DDTL: variants seen among roughly 807,000 people sequenced by gnomAD.
The protein encoded by DDTL is putative D-dopachrome decarboxylase-like protein.
A neutral mutation model predicts 1.1 loss-of-function variants in DDTL; 1 was observed. The ratio of observed to expected loss-of-function variants is 0.91; its 90% confidence interval spans 0.32 to 4.31. DDTL has a LOEUF of 4.31. DDTL is among the 30% of genes most tolerant of loss of function. The pLI is 0.17. For missense variants in DDTL, 54 were observed against 48.9 expected, an observed-to-expected ratio of 1.10 and a Z score of -0.31; for synonymous variants, 21 against 16.6, an observed-to-expected ratio of 1.26 and a Z score of -0.64.
At chr22:23,969,204 C>T (rs2033856023) in intron 2 of DDTL, 2 of 985,382 alleles carry the variant, frequency 2.0e-6, no homozygotes, top group African/African-American at 1.7e-5. Context: ...GCTCTTCATA[C>T]TCCCCCGCCC....
At chr22:23,969,319 C>T in intron 2 of DDTL, 2 of 984,898 alleles carry the variant, frequency 2.0e-6, no homozygotes, top group African/African-American at 1.7e-5. Flanking sequence ...GGGGGGGCCA[C>T]CCTGTGCCCA....
chr22:23,969,848 TCCAATA>T (rs1311159464), intron 2 of DDTL: 1 of 985,734 alleles, frequency 1.0e-6, no homozygotes, highest in Non-Finnish European at 1.2e-6. Flanking sequence ...CAACAGACAC[TCCAATA>T]AAGTACACGA....
chr22:23,971,213 G>A, intron 2 of DDTL, 73 bp from the exon 3 acceptor site: 1 of 1,539,610 alleles, frequency 6.5e-7, no homozygotes, highest in Non-Finnish European at 8.7e-7. Flanking sequence ...CCTGCAGATG[G>A]GTGTGGAGAG....
In DDTL at chr22:23,971,235, G is replaced by A. The variant is rs760447459; in HGVS notation, c.285-51G>A. 3 of 1,560,348 alleles carry A rather than the reference G, an allele frequency of 1.9e-6. No individual in the cohort carries two copies. In the Admixed American group the frequency reaches 5.9e-5, roughly 31 times the overall value. ...ATGGGTGTGGAGAGCAGAGCCTCCA[G>A]GCTGAGTCTCCCAGCCCCAGATCTG... On this transcript the variant is annotated intron_variant, in intron 2 of 2. Transcript: ENST00000215770.
In DDTL at chr22:23,971,837, C is replaced by G; in HGVS notation, c.*431C>G. ...TGGGAGGTAGCCGCACATCATGACC[C>G]AGCTAGGACAGACACACAATACAGT... On this transcript the variant is annotated 3_prime_UTR_variant, in exon 3 of 3. Coordinates refer to ENST00000215770, the MANE Select transcript of DDTL (RefSeq NM_001084393.2). 1.0e-5 allele frequency: 6 copies of G among 577,762 alleles called. No individual in the cohort carries two copies. The South Asian group carries it at 1.3e-4, about 12-fold the overall frequency. The allele number at this position is 577,762 out of a possible 1,614,324, so 35.8% of individuals were successfully genotyped here. A position where few individuals can be genotyped will look rare whatever the true frequency, so the allele number is the denominator to read the frequency against.
chr22:23,970,052 G>T (rs1366154895), intron 2 of DDTL, among the ~76,000 whole-genome samples: 1 of 152,196 alleles, frequency 6.6e-6, no homozygotes, highest in Non-Finnish European at 1.5e-5. Flanking sequence ...TGCACTTAGT[G>T]CTCTTGGCAG....
rs935170738 is a variant in DDTL, at chr22:23,972,269, G to C, written c.*863G>C. ...GGATCATGAGTGTAAAGTACCTGTA[G>C]AGGACCTAGCACATGGTAAGTGTAT... On this transcript the variant is annotated 3_prime_UTR_variant, in exon 3 of 3. Coordinates refer to ENST00000215770, the MANE Select transcript of DDTL (RefSeq NM_001084393.2). 5.0e-5 allele frequency: 47 copies of C among 949,212 alleles called. No individual in the cohort carries two copies. In the African/African-American group the frequency reaches 8.0e-4, roughly 16 times the overall value. The allele number at this position is 949,212 out of a possible 1,614,324, so 58.8% of individuals were successfully genotyped here.
At chr22:23,971,186 T>G (rs557903302) in intron 2 of DDTL, 100 bp from the exon 3 acceptor site, 2 of 1,506,472 alleles carry the variant, frequency 1.3e-6, no homozygotes, top group South Asian at 2.7e-5. Context: ...GACCAGCTGC[T>G]CACACCTTCC....
At chr22:23,970,823 G>A (rs948455790) in intron 2 of DDTL, among the ~76,000 whole-genome samples, 1 of 152,120 alleles carries the variant, frequency 6.6e-6, no homozygotes, top group Non-Finnish European at 1.5e-5. Flanking sequence ...CCAGCCTGGG[G>A]ACCCCTGGGC....
In DDTL at chr22:23,971,448, C is replaced by T. The variant is rs369650859; in HGVS notation, c.*42C>T. The T allele has an allele frequency of 1.8e-4, 286 of 1,607,124 alleles. 2 individuals are homozygous for T. The South Asian group carries it at 2.1e-3, about 12-fold the overall frequency. ...TATGTGATCACAGGAATGTTGCATG[C>T]GGGATAATCCAAAGCTGGTTATCTC... On this transcript the variant is annotated 3_prime_UTR_variant, in exon 3 of 3. Transcript: ENST00000215770.
In DDTL at chr22:23,972,112, TG is replaced by T. The variant is rs1324052667; in HGVS notation, c.*710del. ...AAACCAGAACTTGGGACAGCCTGGT[TG>T]GGGCGGGCGGGAGTATGAACAGCCT... is the stretch of plus-strand genomic sequence containing the variant. On this transcript the variant is annotated 3_prime_UTR_variant, in exon 3 of 3. Coordinates refer to ENST00000215770, the MANE Select transcript of DDTL (RefSeq NM_001084393.2). 1.2e-5 allele frequency: 11 copies of T among 956,022 alleles called. No homozygotes were observed. Among genetic ancestry groups the T allele is most frequent in the Non-Finnish European group, 1.2e-5 (10 of 803,438 alleles). 59.2% of individuals were successfully genotyped at this position (956,022 alleles called of 1,614,324 possible).
At chr22:23,970,923 C>G (rs565455415) in intron 2 of DDTL, among the ~76,000 whole-genome samples, 1 of 151,892 alleles carries the variant, frequency 6.6e-6, no homozygotes, top group Admixed American at 6.6e-5. Context: ...GGGAGGGAGT[C>G]GAAGCTTGCA....
Position 23,971,347 on chromosome 22 carries a change from ATAATAGAAGG to A in DDTL, c.350_359del (p.Ile117ArgfsTer5). 1 of 1,614,148 alleles carries A rather than the reference ATAATAGAAGG, an allele frequency of 6.2e-7. No individual in the cohort carries two copies. The highest frequency in any genetic ancestry group is 1.1e-5 in the South Asian group (1 of 91,078). ...TGGTGGCCCCAGATGCCCAGGAGAG[ATAATAGAAGG>A]TAAGAAGTCATGTTTGAATGAGGAA... On this transcript the variant is annotated frameshift_variant, in exon 3 of 3. Transcript: ENST00000215770. LOFTEE classifies it low-confidence loss of function (END_TRUNC).
rs2033921003 is a variant in DDTL at position 23,972,257 on chromosome 22, A to G, written c.*851A>G. ...AAGGATCAAATGGGATCATGAGTGT[A>G]AAGTACCTGTAGAGGACCTAGCACA... On this transcript the variant is annotated 3_prime_UTR_variant, in exon 3 of 3. Coordinates refer to ENST00000215770, the MANE Select transcript of DDTL (RefSeq NM_001084393.2). 2.1e-6 allele frequency: 2 copies of G among 961,622 alleles called. No homozygotes were observed. Among genetic ancestry groups the G allele is most frequent in the Non-Finnish European group, 2.5e-6 (2 of 809,786 alleles). 59.6% of individuals were successfully genotyped at this position (961,622 alleles called of 1,614,324 possible).
chr22:23,970,525 G>T (rs932846909), intron 2 of DDTL, among the ~76,000 whole-genome samples: 5 of 151,794 alleles, frequency 3.3e-5, no homozygotes, highest in Non-Finnish European at 7.4e-5. Context: ...GTGTGTGTGT[G>T]TGTACGTGTG....
chr22:23,971,249 G>A (rs1480951996), intron 2 of DDTL, 37 bp from the exon 3 acceptor site: 10 of 1,575,786 alleles, frequency 6.3e-6, no homozygotes, highest in South Asian at 2.3e-5. Flanking sequence ...GAGTCTCCCA[G>A]CCCCAGATCT....
intron 2 of DDTL, chr22:23,969,862 C>T (rs1569029012): frequency 1.2e-5 from 12 of 985,630 alleles, no homozygotes; most frequent in East Asian, 1.1e-4. Flanking sequence ...ATAAAGTACA[C>T]GAAATAAAGA....
rs1416589742 is a variant in DDTL, at chr22:23,971,886, C to T, written c.*480C>T. On this transcript the variant is annotated 3_prime_UTR_variant, in exon 3 of 3. Transcript: ENST00000215770. The stretch of plus-strand genomic sequence containing the variant: ...GTAGCCTCGGTGTGTGTGCCGTACA[C>T]TCTATCATCTCCATCAGTTTGTGTA... 2 of 437,486 alleles carry T rather than the reference C, an allele frequency of 4.6e-6. No individual in the cohort carries two copies. The highest frequency in any genetic ancestry group is 8.1e-6 in the Non-Finnish European group (2 of 246,976). 27.1% of individuals were successfully genotyped at this position (437,486 alleles called of 1,614,324 possible).
At chr22:23,969,447 G>A (rs1447251189) in intron 2 of DDTL, 55 of 986,448 alleles carry the variant, frequency 5.6e-5, no homozygotes, top group Non-Finnish European at 6.5e-5. Context: ...CAGCACACAC[G>A]ATGAGGCTAC....
Sources: gnomAD v4.1 joint callset for allele counts (sites outside exome capture counted in the v4.1 genomes callset) on GRCh38, gnomAD v4.1.1 for gene constraint, MANE v1.5 for transcripts, NCBI Gene and HGNC (gene_info 2026-07-23, HGNC 2026-07-21) for gene names.